SYT14: variants seen among roughly 807,000 people sequenced by gnomAD.
The protein encoded by SYT14 is synaptotagmin 14.
SYT14 carries 32 observed loss-of-function variants against 74.2 expected under a neutral mutation model. That is an observed-to-expected ratio of 0.43 (90% CI 0.33 to 0.58). The LOEUF (loss-of-function observed/expected upper bound fraction) is 0.58, where lower values mean the gene tolerates loss of function less well. SYT14 is among the 20% of genes least tolerant of loss of function. SYT14 has a pLI of 0.05. For missense variants in SYT14, 791 were observed against 981.8 expected (o/e 0.81, Z 2.60); for synonymous variants, 298 against 337.7 (o/e 0.88, Z 1.29).
chr1:209,958,649 C>T (rs555460810), intron 2 of SYT14, among the ~76,000 whole-genome samples: 5 of 152,124 alleles, frequency 3.3e-5, no homozygotes, highest in South Asian at 2.1e-4. Flanking sequence ...AAATGAAATT[C>T]GTTAAGGGAA....
intron 2 of SYT14, among the ~76,000 whole-genome samples, chr1:209,967,075 T>C (rs2079168518): frequency 6.6e-6 from 1 of 152,246 alleles, no homozygotes; most frequent in South Asian, 2.1e-4. Context: ...TTTCTGTATC[T>C]ACTGATATCA....
chr1:209,984,923 C>T (rs935603348), intron 2 of SYT14, among the ~76,000 whole-genome samples: 2 of 152,162 alleles, frequency 1.3e-5, no homozygotes, highest in African/African-American at 4.8e-5. Flanking sequence ...CTCACTATTT[C>T]AAGAACAGCA....
intron 7 of SYT14, among the ~76,000 whole-genome samples, chr1:210,124,857 GT>G (rs201643168): frequency 2.0e-5 from 3 of 150,632 alleles, no homozygotes; most frequent in Non-Finnish European, 4.4e-5. Flanking sequence ...GCCCTTTCTA[GT>G]TTTTTTTGTG....
At chr1:210,162,335 C>T (rs749062839) in exon 10 of SYT14, 28 of 445,590 alleles carry the variant, frequency 6.3e-5, no homozygotes, top group East Asian at 7.0e-5. Flanking sequence ...AGAACAGTGT[C>T]GCAAGATCTT....
chr1:210,006,014 G>A (rs556333712), intron 2 of SYT14, among the ~76,000 whole-genome samples: 20 of 151,920 alleles, frequency 1.3e-4, no homozygotes, highest in African/African-American at 4.8e-4. Flanking sequence ...CAAATTGGGT[G>A]GCATCTGTTT....
intron 5 of SYT14, among the ~76,000 whole-genome samples, chr1:210,041,166 A>G (rs778707885): frequency 6.6e-6 from 1 of 152,180 alleles, no homozygotes; most frequent in Non-Finnish European, 1.5e-5. Flanking sequence ...GTCTCCTCTG[A>G]TGTTGGGAAA....
intron 1 of SYT14, among the ~76,000 whole-genome samples, chr1:209,940,169 G>A (rs971485858): frequency 1.3e-5 from 2 of 152,168 alleles, no homozygotes; most frequent in Non-Finnish European, 2.9e-5. Flanking sequence ...TAGCCTAACT[G>A]TGCTCCTTAT....
intron 6 of SYT14, 42 bp from the exon 6 acceptor site, chr1:210,099,970 A>C: frequency 6.4e-7 from 1 of 1,551,598 alleles, no homozygotes; most frequent in Non-Finnish European, 8.8e-7. Context: ...TAGGTTAAAT[A>C]ATTGAGTTAA....
intron 2 of SYT14, among the ~76,000 whole-genome samples, chr1:209,977,073 A>C (rs2102779075): frequency 6.6e-6 from 1 of 152,128 alleles, no homozygotes; most frequent in Admixed American, 6.5e-5. Flanking sequence ...ATCTTCCTCC[A>C]TCCCTTTATT....
At chr1:210,127,746 C>A (rs1360164804) in intron 7 of SYT14, among the ~76,000 whole-genome samples, 1 of 152,144 alleles carries the variant, frequency 6.6e-6, no homozygotes, top group Non-Finnish European at 1.5e-5. Flanking sequence ...ATGATCAGGG[C>A]AGGGCACAGT....
intron 2 of SYT14, among the ~76,000 whole-genome samples, chr1:210,003,860 ATAAAT>A (rs999106026): frequency 4.6e-5 from 7 of 152,108 alleles, no homozygotes; most frequent in Admixed American, 2.6e-4. Flanking sequence ...TTTTTCCCAC[ATAAAT>A]TTAATTTTAT....
intron 3 of SYT14, among the ~76,000 whole-genome samples, chr1:210,015,254 G>A (rs2080159745): frequency 1.3e-5 from 2 of 152,106 alleles, no homozygotes; most frequent in African/African-American, 4.8e-5. Flanking sequence ...GATAACTCCA[G>A]TGTTCACTTG....
chr1:210,036,083 A>C (rs993667836), intron 5 of SYT14, among the ~76,000 whole-genome samples: 1 of 151,980 alleles, frequency 6.6e-6, no homozygotes, highest in Non-Finnish European at 1.5e-5. Context: ...GGTTTCTTTC[A>C]TTAGTGTTTG....
chr1:210,084,740 A>G (rs779211222), intron 5 of SYT14, among the ~76,000 whole-genome samples: 3 of 152,242 alleles, frequency 2.0e-5, no homozygotes, highest in Non-Finnish European at 4.4e-5. Context: ...TTAAAGCTAC[A>G]TATCAGATAC....
intron 5 of SYT14, among the ~76,000 whole-genome samples, chr1:210,047,368 T>C (rs2102364741): frequency 6.6e-6 from 1 of 152,226 alleles, no homozygotes; most frequent in African/African-American, 2.4e-5. Flanking sequence ...TTTATCCTTT[T>C]CTTGTGTATC....
At chr1:210,084,119 T>C (rs2081671138) in intron 5 of SYT14, among the ~76,000 whole-genome samples, 1 of 152,216 alleles carries the variant, frequency 6.6e-6, no homozygotes, top group Non-Finnish European at 1.5e-5. Context: ...CCACTTGGTT[T>C]GCTGGGTCTC....
chr1:210,015,950 T>C, exon 4 of SYT14: 2 of 1,231,422 alleles, frequency 1.6e-6, no homozygotes, highest in African/African-American at 3.1e-5. Context: ...GTGGTTGATA[T>C]TTTCAGAAGA....
At chr1:210,155,627 TTACC>T in intron 7 of SYT14, 90 bp from the exon 7 acceptor site, 1 of 1,342,334 alleles carries the variant, frequency 7.4e-7, no homozygotes, top group Admixed American at 1.8e-5. Flanking sequence ...TTATTGTGAT[TTACC>T]TACCTAATCC....
exon 10 of SYT14, chr1:210,164,165 CT>C (rs1250582894): frequency 2.4e-6 from 1 of 418,748 alleles, no homozygotes; most frequent in Non-Finnish European, 4.8e-6. Flanking sequence ...CTTCTATATT[CT>C]TGTGTCTTCA....
Sources: gnomAD v4.1 joint callset for allele counts (sites outside exome capture counted in the v4.1 genomes callset) on GRCh38, gnomAD v4.1.1 for gene constraint, MANE v1.5 for transcripts, NCBI Gene and HGNC (gene_info 2026-07-23, HGNC 2026-07-21) for gene names.